The following NBEA variants were observed in gnomAD, a reference collection of about 807,000 sequenced individuals.
NBEA encodes lysosomal-trafficking regulator 2.
NBEA carries 44 observed loss-of-function variants against 343.4 expected under a neutral mutation model. The observed-to-expected ratio is 0.13, with a 90% CI of 0.10 to 0.16. NBEA has a LOEUF of 0.16. Ranked by LOEUF, NBEA falls within the 10% of genes least tolerant of loss-of-function variation. The pLI is 1.00. For synonymous variants in NBEA, 1,175 were observed against 1,238.7 expected (o/e 0.95, Z 1.08); for missense variants, 2,555 against 3,631.3 (o/e 0.70, Z 7.62).
intron 36 of NBEA, among the ~76,000 whole-genome samples, chr13:35,341,815 G>A (rs1287126676): frequency 6.6e-6 from 1 of 152,014 alleles, no homozygotes; most frequent in Non-Finnish European, 1.5e-5. Context: ...AAAAGAGTTT[G>A]GCTGTTACTC....
At position 35,159,858 on chromosome 13, in the gene NBEA, T is replaced by C; in HGVS notation, c.3687T>C (p.Thr1229=). ...CTGAAAGAGACTTAGCGTCATCAAC[T>C]AAGGGGCTGGAGTATGCTGAAATGA... is the stretch of plus-strand genomic sequence containing the variant. The part of the protein sequence containing the change: ...SISERDLASS[T]KGLEYAEMTA... Residue 1229 remains threonine (T), a synonymous_variant, in exon 22 of 59, where the codon ACT becomes ACC. Coordinates refer to ENST00000379939, the MANE Select transcript of NBEA (RefSeq NM_001385012.1). 1.2e-6 allele frequency: 2 copies of C among 1,606,546 alleles called. No homozygotes were observed. Among genetic ancestry groups the C allele is most frequent in the Non-Finnish European group, 1.7e-6 (2 of 1,176,058 alleles).
chr13:35,149,175 A>G (rs2068618960), intron 18 of NBEA, among the ~76,000 whole-genome samples: 1 of 152,128 alleles, frequency 6.6e-6, no homozygotes, highest in Admixed American at 6.5e-5. Context: ...GTAGTGTTTT[A>G]ATATTGTTTC....
At chr13:35,309,132 T>C (rs1594161380) in intron 35 of NBEA, among the ~76,000 whole-genome samples, 2 of 152,200 alleles carry the variant, frequency 1.3e-5, no homozygotes, top group South Asian at 2.1e-4. Context: ...TAGTATTCAT[T>C]TTATTATCTT....
chr13:35,146,773 C>T (rs1221887138), intron 18 of NBEA, among the ~76,000 whole-genome samples: 1 of 152,162 alleles, frequency 6.6e-6, no homozygotes, highest in Non-Finnish European at 1.5e-5. Flanking sequence ...GGGCCTGCTG[C>T]TGTCTCATTG....
chr13:35,483,354 G>A (rs1047937414), intron 41 of NBEA, among the ~76,000 whole-genome samples: 1 of 151,896 alleles, frequency 6.6e-6, no homozygotes, highest in African/African-American at 2.4e-5. Context: ...AGAAAGAAAT[G>A]TCAAGATTTC....
intron 41 of NBEA, among the ~76,000 whole-genome samples, chr13:35,495,507 AG>A (rs1189388416): frequency 6.6e-6 from 1 of 152,048 alleles, no homozygotes; most frequent in East Asian, 1.9e-4. Context: ...TCAATTTACA[AG>A]GGTGTTGCAT....
intron 39 of NBEA, among the ~76,000 whole-genome samples, chr13:35,446,266 A>G (rs2046036793): frequency 6.6e-6 from 1 of 152,074 alleles, no homozygotes; most frequent in Non-Finnish European, 1.5e-5. Flanking sequence ...GTATAGTGCC[A>G]CAATAAACAT....
chr13:35,447,753 G>A (rs1427794690), intron 39 of NBEA, among the ~76,000 whole-genome samples: 1 of 152,084 alleles, frequency 6.6e-6, no homozygotes, highest in Admixed American at 6.5e-5. Context: ...TGTGGTATTC[G>A]CTTGTTAATT....
intron 45 of NBEA, among the ~76,000 whole-genome samples, chr13:35,579,125 C>T (rs1414211411): frequency 2.6e-5 from 4 of 152,064 alleles, no homozygotes; most frequent in Admixed American, 2.0e-4. Flanking sequence ...ACATCATTAC[C>T]ATTTTCAGTT....
chr13:35,325,643 G>A (rs1422254237), intron 36 of NBEA, among the ~76,000 whole-genome samples: 1 of 151,880 alleles, frequency 6.6e-6, no homozygotes, highest in African/African-American at 2.4e-5. Context: ...TATATGAAAA[G>A]GATTATATCA....
At chr13:35,067,715 A>G (rs1401257297) in intron 8 of NBEA, among the ~76,000 whole-genome samples, 3 of 152,084 alleles carry the variant, frequency 2.0e-5, no homozygotes, top group Non-Finnish European at 4.4e-5. Flanking sequence ...AAAGGCTTAT[A>G]CTTTTATGTA....
intron 1 of NBEA, among the ~76,000 whole-genome samples, chr13:34,960,302 T>G (rs533228265): frequency 1.3e-5 from 2 of 152,224 alleles, no homozygotes; most frequent in East Asian, 3.9e-4. Context: ...ATATAATGTG[T>G]TTGTGTTTTA....
chr13:35,353,904 G>C (rs780008944), intron 38 of NBEA, among the ~76,000 whole-genome samples: 1 of 152,156 alleles, frequency 6.6e-6, no homozygotes, highest in Non-Finnish European at 1.5e-5. Flanking sequence ...AATCATGGGA[G>C]CTGGTAAGTC....
chr13:35,067,855 C>T (rs1223359824), intron 8 of NBEA, among the ~76,000 whole-genome samples: 2 of 151,988 alleles, frequency 1.3e-5, no homozygotes, highest in African/African-American at 4.8e-5. Context: ...TCCACCTCAG[C>T]CTCATGAAGA....
chr13:35,439,024 C>T (rs991654092), intron 39 of NBEA, among the ~76,000 whole-genome samples: 8 of 152,162 alleles, frequency 5.3e-5, no homozygotes, highest in Non-Finnish European at 8.8e-5. Flanking sequence ...ATACTATGCA[C>T]GTGCTACCTG....
chr13:35,575,168 T>C (rs1359877766), intron 45 of NBEA, among the ~76,000 whole-genome samples: 2 of 152,214 alleles, frequency 1.3e-5, no homozygotes, highest in African/African-American at 4.8e-5. Flanking sequence ...AAATGTAATC[T>C]TAACACTTCT....
intron 48 of NBEA, among the ~76,000 whole-genome samples, chr13:35,616,042 T>C (rs575000734): frequency 4.6e-5 from 7 of 152,290 alleles, no homozygotes; most frequent in African/African-American, 1.7e-4. Flanking sequence ...AGAAATGATA[T>C]TCATTTACAT....
At chr13:35,074,180 A>G (rs1309316036) in intron 10 of NBEA, among the ~76,000 whole-genome samples, 4 of 152,158 alleles carry the variant, frequency 2.6e-5, no homozygotes, top group African/African-American at 9.7e-5. Context: ...CTCTGAAGTA[A>G]TATAGCTTTC....
chr13:35,425,197 T>C (rs556966524), intron 38 of NBEA, among the ~76,000 whole-genome samples: 4 of 152,286 alleles, frequency 2.6e-5, no homozygotes, highest in African/African-American at 9.6e-5. Context: ...AGCTTTTGAA[T>C]GTGTTTGCTC....
Sources: allele counts gnomAD v4.1 joint callset (sites outside exome capture counted in the v4.1 genomes callset), GRCh38; gene constraint gnomAD v4.1.1; transcripts MANE v1.5; gene names NCBI Gene and HGNC (gene_info 2026-07-23, HGNC 2026-07-21).